TADA2B: variants seen among roughly 807,000 people sequenced by gnomAD.
TADA2B encodes the protein transcriptional adapter 2-beta.
TADA2B carries 13 observed loss-of-function variants against 34.5 expected under a neutral mutation model. That is an observed-to-expected ratio of 0.38 (90% CI 0.25 to 0.60). The LOEUF (loss-of-function observed/expected upper bound fraction) is 0.60. Ranked by LOEUF, TADA2B falls within the 20% of genes least tolerant of loss-of-function variation. The pLI is 0.65. For missense variants in TADA2B, 442 were observed against 575.0 expected, an observed-to-expected ratio of 0.77 and a Z score of 2.37; for synonymous variants, 240 against 243.4, an observed-to-expected ratio of 0.99 and a Z score of 0.13.
At position 7,055,144 on chromosome 4, in the gene TADA2B, T is replaced by A; in HGVS notation, c.*90T>A. 1 of 1,339,680 alleles carries A rather than the reference T, an allele frequency of 7.5e-7. No homozygotes were observed. 83.0% of individuals were successfully genotyped at this position (1,339,680 alleles called of 1,614,324 possible). On this transcript the variant is annotated 3_prime_UTR_variant, in exon 2 of 2. Coordinates refer to ENST00000310074, the MANE Select transcript of TADA2B (RefSeq NM_152293.3). The stretch of plus-strand genomic sequence containing the variant: ...AGGGGAGCCGCTTCCCCACTGTTGC[T>A]CTTTTTTAAACAAATTGAGTTCCTT...
At chr4:7,045,118 G>A (rs946473495) in intron 1 of TADA2B, 10 of 152,320 alleles carry the variant, frequency 6.6e-5, no homozygotes, top group African/African-American at 2.4e-4. Flanking sequence ...GGAAAGAGAA[G>A]GCTTTATCCC....
Position 7,043,769 on chromosome 4 carries a change from C to A in TADA2B, c.190C>A (p.Pro64Thr). The A allele has an allele frequency of 6.3e-7, 1 of 1,574,852 alleles. No individual in the cohort carries two copies. Among genetic ancestry groups the A allele is most frequent in the Non-Finnish European group, 8.6e-7 (1 of 1,164,782 alleles). ...CGGCGGGCGCTTCACGCTCTGGGGG[C>A]CCGAGGCCGAGGGCGGCTGGACCAG... ...VDGGRFTLWG[P>T]EAEGGWTSRE... Residue 64 changes from proline to threonine, a missense_variant, in exon 1 of 2, where the codon CCC becomes ACC. By Grantham distance (38) the Pro-to-Thr change is conservative. Coordinates refer to ENST00000310074, the MANE Select transcript of TADA2B (RefSeq NM_152293.3).
intron 1 of TADA2B, among the ~76,000 whole-genome samples, chr4:7,044,083 T>C (rs1442335015): frequency 6.6e-6 from 1 of 152,264 alleles, no homozygotes; most frequent in African/African-American, 2.4e-5. Context: ...CGAGTGGGGC[T>C]TTGAACGCTG....
intron 1 of TADA2B, among the ~76,000 whole-genome samples, chr4:7,052,219 T>C (rs1411178617): frequency 6.6e-6 from 1 of 152,270 alleles, no homozygotes; most frequent in African/African-American, 2.4e-5. Context: ...CAAGGCCGGC[T>C]CTGCCCCTGC....
chr4:7,048,323 G>A (rs534105425), intron 1 of TADA2B, among the ~76,000 whole-genome samples: 1 of 152,224 alleles, frequency 6.6e-6, no homozygotes, highest in East Asian at 1.9e-4. Flanking sequence ...GGCTGGGAGG[G>A]GCAGGGCACG....
At chr4:7,043,972 A>G in intron 1 of TADA2B, 123 bp downstream of exon 1, 3 of 1,250,196 alleles carry the variant, frequency 2.4e-6, no homozygotes, top group Non-Finnish European at 3.1e-6. Flanking sequence ...AAGGCCCCGG[A>G]GGTGGGGAGG....
chr4:7,049,619 C>G (rs1723717803), intron 1 of TADA2B, among the ~76,000 whole-genome samples: 1 of 152,218 alleles, frequency 6.6e-6, no homozygotes, highest in Non-Finnish European at 1.5e-5. Context: ...CACCTGGAAG[C>G]AGTGGCTGCA....
At chr4:7,051,846 C>T (rs979875871) in intron 1 of TADA2B, among the ~76,000 whole-genome samples, 20 of 152,222 alleles carry the variant, frequency 1.3e-4, no homozygotes, top group African/African-American at 4.8e-4. Flanking sequence ...ATCCGCCTGC[C>T]TCGGCCTCCC....
intron 1 of TADA2B, among the ~76,000 whole-genome samples, chr4:7,048,361 A>C (rs1723689557): frequency 6.6e-6 from 1 of 152,050 alleles, no homozygotes; most frequent in African/African-American, 2.4e-5. Flanking sequence ...TCCAGCCCAC[A>C]GTGGGACACC....
chr4:7,049,408 G>A (rs1723714020), intron 1 of TADA2B, among the ~76,000 whole-genome samples: 1 of 152,260 alleles, frequency 6.6e-6, no homozygotes, highest in African/African-American at 2.4e-5. Context: ...GTTTTCCACA[G>A]TGAGGAATGC....
At chr4:7,044,447 C>T (rs1257678031) in intron 1 of TADA2B, among the ~76,000 whole-genome samples, 4 of 152,198 alleles carry the variant, frequency 2.6e-5, no homozygotes, top group African/African-American at 9.6e-5. Flanking sequence ...GAGGCCTGGC[C>T]TGGGAGGCCT....
chr4:7,047,082 G>A (rs575719165), intron 1 of TADA2B, among the ~76,000 whole-genome samples: 7 of 152,268 alleles, frequency 4.6e-5, no homozygotes, highest in African/African-American at 7.2e-5. Context: ...GGGGTCTGGC[G>A]TCTCTAGAAG....
chr4:7,050,149 C>T (rs902059494), intron 1 of TADA2B, among the ~76,000 whole-genome samples: 1 of 152,262 alleles, frequency 6.6e-6, no homozygotes, highest in African/African-American at 2.4e-5. Context: ...GAAATGCACG[C>T]GTGGGCTCGG....
chr4:7,053,869 C>A (rs1723825471), intron 1 of TADA2B, 193 bp from the exon 2 acceptor site: 2 of 608,954 alleles, frequency 3.3e-6, no homozygotes, highest in African/African-American at 1.8e-5. Context: ...TGTGTTGTTG[C>A]TTCAACATTG....
In TADA2B at chr4:7,055,167, CT is replaced by C; in HGVS notation, c.*120del. On this transcript the variant is annotated 3_prime_UTR_variant, in exon 2 of 2. Transcript: ENST00000310074. ...GCTCTTTTTTAAACAAATTGAGTTC[CT>C]TTTTTTAAGATAGAAATTCTTTTCA... The C allele has an allele frequency of 8.1e-6, 9 of 1,116,670 alleles. No homozygotes were observed. Among genetic ancestry groups the C allele is most frequent in the Admixed American group, 2.9e-5 (1 of 34,170 alleles). The allele number at this position is 1,116,670 out of a possible 1,614,324, so 69.2% of individuals were successfully genotyped here.
At chr4:7,051,259 C>T (rs891562549) in intron 1 of TADA2B, among the ~76,000 whole-genome samples, 12 of 152,170 alleles carry the variant, frequency 7.9e-5, no homozygotes, top group Non-Finnish European at 1.3e-4. Flanking sequence ...CAGCATCCAG[C>T]GCTGGGGAAA....
rs1017104766 is a variant in TADA2B, at chr4:7,043,935, G to T, written c.270+86G>T. On this transcript the variant is annotated intron_variant, in intron 1 of 1. Transcript: ENST00000310074. ...GTAATCGGGCGCGCAGGCAGCGCTG[G>T]ACCTGCTCGCTCGCTCCGCACCCCA... The T allele has an allele frequency of 4.5e-5, 61 of 1,364,222 alleles. No homozygotes were observed. The African/African-American group carries it at 8.5e-4, about 19-fold the overall frequency. The allele number at this position is 1,364,222 out of a possible 1,614,324, so 84.5% of individuals were successfully genotyped here.
chr4:7,043,720 C>G lies in TADA2B; in HGVS notation c.141C>G (p.Arg47=). Residue 47 remains arginine (R), a synonymous_variant, in exon 1 of 2, where the codon CGC becomes CGG. Coordinates refer to ENST00000310074, the MANE Select transcript of TADA2B (RefSeq NM_152293.3). ...SAGAEIGHHR[R]YHGYQLVDGG... ...GCGCCGAGATCGGCCACCACCGCCG[C>G]TACCACGGCTACCAGCTGGTGGACG... The G allele has an allele frequency of 6.3e-7, 1 of 1,588,528 alleles. No individual in the cohort carries two copies. The highest frequency in any genetic ancestry group is 2.3e-5 in the East Asian group (1 of 43,932).
In TADA2B at chr4:7,055,403, G is replaced by A. The variant is rs1240615998; in HGVS notation, c.*349G>A. ...AGCTATTGTGGGTGACAGGAGCAGT[G>A]TTTTCCTGCTGGACCCGCAAGCCAC... On this transcript the variant is annotated 3_prime_UTR_variant, in exon 2 of 2. Transcript: ENST00000310074. 1 of 183,836 alleles carries A rather than the reference G, an allele frequency of 5.4e-6. No homozygotes were observed. The highest frequency in any genetic ancestry group is 1.5e-4 in the East Asian group (1 of 6,678). The allele number at this position is 183,836 out of a possible 1,614,324, so 11.4% of individuals were successfully genotyped here. A position where few individuals can be genotyped will look rare whatever the true frequency, so the allele number is the denominator to read the frequency against.
Sources: gnomAD v4.1 joint callset for allele counts (sites outside exome capture counted in the v4.1 genomes callset) on GRCh38, gnomAD v4.1.1 for gene constraint, MANE v1.5 for transcripts, NCBI Gene and HGNC (gene_info 2026-07-23, HGNC 2026-07-21) for gene names.